Variants in UBAP2 observed in about 807,000 individuals in gnomAD.
UBAP2 encodes ubiquitin-associated protein 2.
Under a neutral mutation model 139.6 loss-of-function variants are expected in UBAP2, and 75 were observed. The observed-to-expected ratio is 0.54, with a 90% CI of 0.45 to 0.65. UBAP2 has a LOEUF of 0.65. Among genes scored for constraint, UBAP2 ranks in the 30% least tolerant of loss-of-function variants. The probability of loss-of-function intolerance (pLI) is 0.00; values close to 1 mark genes in which losing one functional copy is unlikely to be tolerated. For missense variants in UBAP2, 1,368 were observed against 1,369.6 expected, an observed-to-expected ratio of 1.00 and a Z score of 0.02; for synonymous variants, 526 against 526.2, an observed-to-expected ratio of 1.00 and a Z score of 0.01.
intron 8 of UBAP2, among the ~76,000 whole-genome samples, chr9:33,965,825 G>T (rs1019986295): frequency 6.6e-6 from 1 of 151,168 alleles, no homozygotes. Flanking sequence ...GAGGCGGGTA[G>T]ATCACAAGGT....
rs529165571 is a variant in UBAP2, at chr9:34,011,452, T to C, written c.99+5598A>G. On this transcript the variant is annotated intron_variant, in intron 2 of 28. Coordinates refer to ENST00000379238, the MANE Select transcript of UBAP2 (RefSeq NM_001370062.2). ...TAATAGTCATTTAACAATAACAATA[T>C]AGTAACACTAGTGCTAGCATATTTA... 3.9e-5 allele frequency among the ~76,000 whole-genome samples: 6 copies of C among 152,284 alleles called. No individual in the cohort carries two copies. The South Asian group carries it at 1.2e-3, about 32-fold the overall frequency.
In UBAP2 at chr9:34,006,189, G is replaced by A. The variant is rs1369507736; in HGVS notation, c.100-7325C>T. ...CCAGAGGTTGCAGTGAGCCGAGATC[G>A]CACCATTGCACTCCAGCCTGGGAGA... On this transcript the variant is annotated intron_variant, in intron 2 of 28. Coordinates refer to ENST00000379238, the MANE Select transcript of UBAP2 (RefSeq NM_001370062.2). 8.0e-5 allele frequency among the ~76,000 whole-genome samples: 12 copies of A among 149,900 alleles called. No individual in the cohort carries two copies. The Admixed American group carries it at 8.0e-4, about 10-fold the overall frequency.
At chr9:34,039,911 C>A (rs1301008840) in intron 1 of UBAP2, among the ~76,000 whole-genome samples, 1 of 147,404 alleles carries the variant, frequency 6.8e-6, no homozygotes, top group Non-Finnish European at 1.5e-5. Context: ...GTAATCCCAG[C>A]ACTTTGGGAG....
At chr9:33,957,455 G>A (rs1461593691) in intron 10 of UBAP2, among the ~76,000 whole-genome samples, 2 of 152,148 alleles carry the variant, frequency 1.3e-5, no homozygotes, top group Admixed American at 1.3e-4. Flanking sequence ...CATGCTTTCT[G>A]ACACTACAGA....
At chr9:34,030,861 C>T (rs1184334116) in intron 1 of UBAP2, among the ~76,000 whole-genome samples, 2 of 151,930 alleles carry the variant, frequency 1.3e-5, no homozygotes, top group South Asian at 2.1e-4. Flanking sequence ...ACCCAGGAGG[C>T]GGAGCTTGCA....
chr9:34,022,964 C>T (rs1004761124), intron 1 of UBAP2, among the ~76,000 whole-genome samples: 4 of 151,992 alleles, frequency 2.6e-5, no homozygotes, highest in Non-Finnish European at 5.9e-5. Flanking sequence ...CAGTGGCTCA[C>T]GCCTGTAATC....
chr9:34,005,427 C>T (rs1245953129), intron 2 of UBAP2, among the ~76,000 whole-genome samples: 7 of 117,236 alleles, frequency 6.0e-5, no homozygotes, highest in Non-Finnish European at 1.0e-4. Flanking sequence ...AGGGCAAGAC[C>T]CTGTCTCAAA....
At chr9:34,002,122 T>G (rs1040811046) in intron 2 of UBAP2, among the ~76,000 whole-genome samples, 7 of 150,794 alleles carry the variant, frequency 4.6e-5, no homozygotes, top group South Asian at 2.1e-4. Flanking sequence ...GCTAATTTGT[T>G]GTTGTTATTT....
chr9:34,017,794 G>T (rs974612685), intron 1 of UBAP2, among the ~76,000 whole-genome samples: 1 of 152,050 alleles, frequency 6.6e-6, no homozygotes, highest in African/African-American at 2.4e-5. Flanking sequence ...GGGCATGGTG[G>T]CAGGCATCTG....
chr9:34,038,808 TC>T (rs1826720814), intron 1 of UBAP2, among the ~76,000 whole-genome samples: 2 of 141,868 alleles, frequency 1.4e-5, no homozygotes, highest in Admixed American at 1.4e-4. Context: ...GAGCGCCTCT[TC>T]CTGGCCGCCA....
chr9:34,009,967 T>C (rs1379652893), intron 2 of UBAP2, among the ~76,000 whole-genome samples: 1 of 151,052 alleles, frequency 6.6e-6, no homozygotes, highest in Non-Finnish European at 1.5e-5. Flanking sequence ...GCCACCATGC[T>C]TGGCTAATTC....
In UBAP2 at chr9:33,935,846, T is replaced by A. The variant is rs746350615; in HGVS notation, c.1962A>T (p.Thr654=). ...GCTTGCTGCTATACTTACTGTCTAG[T>A]GTCTGCTGACTTCGACCACCACCAT... ...NGHGGGRSQQ[T]LDTPKTTGPP... is the part of the protein sequence containing the mutation. The change falls in exon 17 of 29, where the codon ACA becomes ACT. Residue 654 remains threonine (T), a synonymous_variant. Transcript: ENST00000379238. 7 of 1,613,824 alleles carry A rather than the reference T, an allele frequency of 4.3e-6. No homozygotes were observed. In the Admixed American group the frequency reaches 6.7e-5, roughly 15 times the overall value.
intron 6 of UBAP2, among the ~76,000 whole-genome samples, chr9:33,982,710 T>C (rs556086064): frequency 3.8e-4 from 58 of 152,270 alleles, no homozygotes; most frequent in East Asian, 1.9e-4. Context: ...AGAAAAACTA[T>C]GGTGATTTTA....
intron 12 of UBAP2, among the ~76,000 whole-genome samples, chr9:33,951,823 A>C (rs1036120615): frequency 6.6e-6 from 1 of 152,208 alleles, no homozygotes; most frequent in Non-Finnish European, 1.5e-5. Context: ...TTCAGTGGAC[A>C]CACATAGATT....
At chr9:33,944,775 G>C (rs1825527789) in intron 13 of UBAP2, 136 bp from the exon 14 acceptor site, 8 of 997,806 alleles carry the variant, frequency 8.0e-6, no homozygotes, top group South Asian at 3.4e-5. Flanking sequence ...CACACTATGT[G>C]TAACACTTCA....
At chr9:34,021,531 T>C (rs1824938932) in intron 1 of UBAP2, among the ~76,000 whole-genome samples, 1 of 152,184 alleles carries the variant, frequency 6.6e-6, no homozygotes, top group Admixed American at 6.6e-5. Context: ...TTTAAAGCAT[T>C]CTCTCAGATA....
At position 33,938,949 on chromosome 9, in the gene UBAP2, G is replaced by A. The variant is rs1035500975; in HGVS notation, c.1929+2700C>T. ...TTAATCTGTGGATATTCCAGGCTGTGGAAGGGGAAGAGAAAAAGGAAGGGA... is the reference window on the plus strand; with the variant it reads ...TTAATCTGTGGATATTCCAGGCTGTAGAAGGGGAAGAGAAAAAGGAAGGGA... On this transcript the variant is annotated intron_variant, in intron 16 of 28. Transcript: ENST00000379238. The A allele has an allele frequency of 2.2e-4, 99 of 448,026 alleles. 2 individuals carry two copies. Among genetic ancestry groups the A allele is most frequent in the South Asian group, 1.1e-3 (67 of 62,352 alleles). 27.8% of individuals were successfully genotyped at this position (448,026 alleles called of 1,614,324 possible).
intron 6 of UBAP2, among the ~76,000 whole-genome samples, chr9:33,976,056 A>C (rs960673640): frequency 1.3e-5 from 2 of 152,140 alleles, no homozygotes; most frequent in Admixed American, 6.5e-5. Context: ...CCTCTACAAT[A>C]AATTTTTTTA....
intron 2 of UBAP2, among the ~76,000 whole-genome samples, chr9:34,003,769 G>A (rs1459797561): frequency 6.6e-6 from 1 of 151,684 alleles, no homozygotes; most frequent in Non-Finnish European, 1.5e-5. Context: ...TGCCCAGGCT[G>A]GAGTGCAGTG....
Sources: gnomAD v4.1 joint callset for allele counts (sites outside exome capture counted in the v4.1 genomes callset) on GRCh38, gnomAD v4.1.1 for gene constraint, MANE v1.5 for transcripts, NCBI Gene and HGNC (gene_info 2026-07-23, HGNC 2026-07-21) for gene names.